CCL26: variants seen among roughly 807,000 people sequenced by gnomAD.
CCL26 encodes C-C motif chemokine ligand 26.
CCL26 carries 10 observed loss-of-function variants against 10.7 expected under a neutral mutation model. That is an observed-to-expected ratio of 0.93 (90% CI 0.57 to 1.58). The LOEUF (loss-of-function observed/expected upper bound fraction) is 1.58. Among genes scored for constraint, CCL26 ranks in the 40% most tolerant of loss-of-function variants. The pLI is 0.00. For synonymous variants in CCL26, 43 were observed against 41.4 expected (o/e 1.04, Z -0.15); for missense variants, 116 against 111.0 (o/e 1.05, Z -0.20).
chr7:75,789,906 A>G (rs1184686414), upstream of CCL26: 1 of 152,122 alleles, frequency 6.6e-6, no homozygotes, highest in Non-Finnish European at 1.5e-5. Flanking sequence ...TGGGTGGACA[A>G]TGAATTCTTG....
chr7:75,786,523 G>C (rs955622783), intron 1 of CCL26, among the ~76,000 whole-genome samples: 1 of 152,034 alleles, frequency 6.6e-6, no homozygotes, highest in Admixed American at 6.6e-5. Flanking sequence ...TTCCTCCCTC[G>C]TAAGGGTCCT....
In CCL26 at chr7:75,772,211, C is replaced by T. The variant is rs926469027; in HGVS notation, c.-35G>A. 2 of 1,468,266 alleles carry T rather than the reference C, an allele frequency of 1.4e-6. No individual in the cohort carries two copies. Among genetic ancestry groups the T allele is most frequent in the Non-Finnish European group, 1.9e-6 (2 of 1,072,828 alleles). 91.0% of individuals were successfully genotyped at this position (1,468,266 alleles called of 1,614,324 possible). A position where few individuals can be genotyped will look rare whatever the true frequency, so the allele number is the denominator to read the frequency against. On this transcript the variant is annotated 5_prime_UTR_variant, in exon 1 of 3. Transcript: ENST00000005180. Reference sequence around the variant, plus strand: ...AATCAGGCCCTTCTCAGGTTTCTCCCAAACTCCTCCTGCCTGATCCCCTTT... The same window carrying T: ...AATCAGGCCCTTCTCAGGTTTCTCCTAAACTCCTCCTGCCTGATCCCCTTT...
At chr7:75,772,654 CAA>C (rs5884975), upstream of CCL26, among the ~76,000 whole-genome samples, 1 of 121,008 alleles carries the variant, frequency 8.3e-6, no homozygotes, top group Non-Finnish European at 1.7e-5. Context: ...GAGACTCTGC[CAA>C]AAAAAAAAAA....
At chr7:75,790,180 T>TTCC (rs1554530621), upstream of CCL26, among the ~76,000 whole-genome samples, 3 of 66,104 alleles carry the variant, frequency 4.5e-5, no homozygotes, top group Non-Finnish European at 6.6e-5. Flanking sequence ...CCTTCCTTCC[T>TTCC]TTCTTTCTTT....
At chr7:75,783,375 T>C (rs1803108966) in intron 1 of CCL26, among the ~76,000 whole-genome samples, 1 of 152,162 alleles carries the variant, frequency 6.6e-6, no homozygotes. Context: ...ATTAGAGCAG[T>C]TCCCCTAGGA....
intron 1 of CCL26, among the ~76,000 whole-genome samples, chr7:75,780,701 G>A (rs1423157500): frequency 2.6e-5 from 4 of 151,676 alleles, no homozygotes; most frequent in Admixed American, 6.6e-5. Flanking sequence ...TTTCCCTCCC[G>A]CCTGTCCCCT....
At chr7:75,780,557 A>G (rs1028395764) in intron 1 of CCL26, among the ~76,000 whole-genome samples, 3 of 152,178 alleles carry the variant, frequency 2.0e-5, no homozygotes, top group Admixed American at 6.5e-5. Flanking sequence ...CGATTTTTCC[A>G]TCCTTCAAGA....
At chr7:75,772,419 G>C (rs1474765953), upstream of CCL26, among the ~76,000 whole-genome samples, 1 of 152,220 alleles carries the variant, frequency 6.6e-6, no homozygotes, top group Non-Finnish European at 1.5e-5. Flanking sequence ...CACTCTGGGA[G>C]ACCGAGGTGG....
At chr7:75,788,871 T>A (rs1554530359) in intron 1 of CCL26, among the ~76,000 whole-genome samples, 1 of 152,046 alleles carries the variant, frequency 6.6e-6, no homozygotes, top group Admixed American at 6.6e-5. Flanking sequence ...CTTTTAACCC[T>A]TGTGGAAATT....
rs946828871 is a variant in CCL26, at chr7:75,769,549, C to T, written c.*144G>A. 1.8e-6 allele frequency: 1 copy of T among 564,120 alleles called. No homozygotes were observed. The highest frequency in any genetic ancestry group is 3.2e-6 in the Non-Finnish European group (1 of 308,208). The allele number at this position is 564,120 out of a possible 1,614,324, so 34.9% of individuals were successfully genotyped here. A position where few individuals can be genotyped will look rare whatever the true frequency, so the allele number is the denominator to read the frequency against. ...ATGAACAAGTCAACTCTATGAACAACCTTTATTAAAGTAACTCTGGGAGGA... is the reference window on the plus strand; with the variant it reads ...ATGAACAAGTCAACTCTATGAACAATCTTTATTAAAGTAACTCTGGGAGGA... On this transcript the variant is annotated 3_prime_UTR_variant, in exon 3 of 3. Coordinates refer to ENST00000005180, the MANE Select transcript of CCL26 (RefSeq NM_001371938.1).
At chr7:75,790,218 T>TCTTC (rs1242802621), upstream of CCL26, among the ~76,000 whole-genome samples, 898 of 66,824 alleles carry the variant, frequency 0.013, 71 homozygotes, top group African/African-American at 0.038. Flanking sequence ...TTTCTTTCTT[T>TCTTC]CTTCCTTCCT....
At chr7:75,784,666 T>C (rs1255063506) in intron 1 of CCL26, among the ~76,000 whole-genome samples, 1 of 152,172 alleles carries the variant, frequency 6.6e-6, no homozygotes, top group Non-Finnish European at 1.5e-5. Flanking sequence ...TATCCCCACC[T>C]GCCCAGCTCC....
chr7:75,787,371 A>G (rs11767731), intron 1 of CCL26, among the ~76,000 whole-genome samples: 33,498 of 151,948 alleles, frequency 0.22, 4,109 homozygotes, highest in Middle Eastern at 0.32. Flanking sequence ...CCAGCCGGGC[A>G]CAGTGGCTCA....
chr7:75,770,013 T>C (rs1031044892), intron 2 of CCL26, among the ~76,000 whole-genome samples: 1 of 152,018 alleles, frequency 6.6e-6, no homozygotes, highest in Non-Finnish European at 1.5e-5. Context: ...CCAGGTACCA[T>C]TTACCGTTTT....
intron 1 of CCL26, among the ~76,000 whole-genome samples, chr7:75,779,025 C>T (rs911631959): frequency 2.6e-5 from 4 of 152,116 alleles, no homozygotes; most frequent in Non-Finnish European, 4.4e-5. Flanking sequence ...TGGCCTGTTC[C>T]TGCCTTAACT....
At chr7:75,785,148 A>T (rs1554529846) in intron 1 of CCL26, among the ~76,000 whole-genome samples, 1 of 151,774 alleles carries the variant, frequency 6.6e-6, no homozygotes, top group African/African-American at 2.4e-5. Flanking sequence ...CTTCCTCCAC[A>T]ACTCACTATT....
upstream of CCL26, chr7:75,772,231 C>T: frequency 7.6e-7 from 1 of 1,318,886 alleles, no homozygotes; most frequent in Non-Finnish European, 1.1e-6. Context: ...CTGCCTGATC[C>T]CCTTTTATGA....
chr7:75,781,217 C>A (rs1554529406), intron 1 of CCL26, among the ~76,000 whole-genome samples: 1 of 152,186 alleles, frequency 6.6e-6, no homozygotes, highest in African/African-American at 2.4e-5. Flanking sequence ...GCCCTCAAAC[C>A]CCACGACAGG....
At chr7:75,784,421 C>T (rs928682435) in intron 1 of CCL26, among the ~76,000 whole-genome samples, 6 of 152,192 alleles carry the variant, frequency 3.9e-5, no homozygotes, top group Admixed American at 2.0e-4. Context: ...CTGAACACCT[C>T]GGAAGCCTCC....
Sources: allele counts gnomAD v4.1 joint callset (sites outside exome capture counted in the v4.1 genomes callset), GRCh38; gene constraint gnomAD v4.1.1; transcripts MANE v1.5; gene names NCBI Gene and HGNC (gene_info 2026-07-23, HGNC 2026-07-21).